Variants in PPP1R14C observed in about 807,000 individuals in gnomAD.
PPP1R14C encodes protein phosphatase 1 regulatory inhibitor subunit 14C, also known as protein phosphatase 1 regulatory subunit 14C.
PPP1R14C carries 16 observed loss-of-function variants against 20.4 expected under a neutral mutation model. The ratio of observed to expected loss-of-function variants is 0.78; its 90% CI spans 0.53 to 1.19. The LOEUF is 1.19. Ranked by LOEUF, PPP1R14C falls within the 50% of genes most tolerant of loss-of-function variation. PPP1R14C has a pLI of 0.00. For missense variants in PPP1R14C, 211 were observed against 220.1 expected, an observed-to-expected ratio of 0.96 and a Z score of 0.26; for synonymous variants, 91 against 91.0, an observed-to-expected ratio of 1.00 and a Z score of 0.00.
chr6:150,178,042 C>T (rs1303233338), intron 1 of PPP1R14C, among the ~76,000 whole-genome samples: 2 of 152,204 alleles, frequency 1.3e-5, no homozygotes, highest in Non-Finnish European at 2.9e-5. Context: ...GTCATAGTTA[C>T]AGTCTCCTAG....
rs765312631 is a variant in PPP1R14C, at chr6:150,143,765, G to A, written c.306+267G>A. Among the ~76,000 whole-genome samples the A allele has an allele frequency of 1.8e-4, 27 of 152,192 alleles. No homozygotes were observed. In the Middle Eastern group the frequency reaches 0.014, roughly 77 times the overall value. On this transcript the variant is annotated intron_variant, in intron 1 of 3. Transcript: ENST00000361131. This position sits in a 1 kb window ranked among gnomAD's most constrained non-coding sequence, Gnocchi z 5.6. ...GCCGTGGGGAGGGTTGGGTCCCGCG[G>A]AGCACAGTGCTTTTCTCCGAGCTCC... is the stretch of plus-strand genomic sequence containing the variant.
chr6:150,229,475 T>G (rs953504893), intron 3 of PPP1R14C, among the ~76,000 whole-genome samples: 1 of 152,160 alleles, frequency 6.6e-6, no homozygotes, highest in Non-Finnish European at 1.5e-5. Context: ...TGCTGTAAGA[T>G]TGAATCTAGG....
chr6:150,248,578 T>C (rs1778521779), intron 3 of PPP1R14C, among the ~76,000 whole-genome samples, 168 bp from the exon 4 acceptor site: 1 of 152,242 alleles, frequency 6.6e-6, no homozygotes, highest in African/African-American at 2.4e-5. Context: ...AGTTTTAGTA[T>C]TCTTGATTTG....
chr6:150,197,846 C>T (rs1249388108), intron 1 of PPP1R14C, among the ~76,000 whole-genome samples: 18 of 127,586 alleles, frequency 1.4e-4, no homozygotes, highest in Non-Finnish European at 1.6e-4. Flanking sequence ...CCTGGATGCC[C>T]GGCTTTGTGT....
intron 1 of PPP1R14C, among the ~76,000 whole-genome samples, chr6:150,207,295 G>A (rs2114903557): frequency 6.6e-6 from 1 of 152,358 alleles, no homozygotes; most frequent in Admixed American, 6.5e-5. Context: ...CCACTGGAAA[G>A]GCATATGCTT....
Position 150,212,829 on chromosome 6 carries a change from C to T in PPP1R14C, c.307-1915C>T, listed in dbSNP as rs369397104. Among the ~76,000 whole-genome samples, 67 of 152,206 alleles carry T rather than the reference C, an allele frequency of 4.4e-4. 2 individuals are homozygous for T. Among genetic ancestry groups the T allele is most frequent in the South Asian group, 3.9e-3 (19 of 4,824 alleles). On this transcript the variant is annotated intron_variant, in intron 1 of 3. Transcript: ENST00000361131. ...TTATTCCGTATGGTAATATGCTGTC[C>T]GGGTTTACAGCCTAGGAGCAATATA... is the stretch of plus-strand genomic sequence containing the variant.
intron 1 of PPP1R14C, among the ~76,000 whole-genome samples, chr6:150,176,936 C>T (rs777134497): frequency 6.2e-4 from 94 of 152,182 alleles, no homozygotes; most frequent in Non-Finnish European, 9.6e-4. Context: ...TATTTAGGGC[C>T]GGTCCCACCC....
intron 1 of PPP1R14C, among the ~76,000 whole-genome samples, chr6:150,198,740 C>T (rs150416078): frequency 9.9e-4 from 151 of 152,348 alleles, no homozygotes; most frequent in African/African-American, 3.5e-3. Flanking sequence ...GGCACTTATG[C>T]TGCTGAGCTT....
chr6:150,244,451 G>A (rs1778469174), intron 3 of PPP1R14C, among the ~76,000 whole-genome samples: 1 of 152,124 alleles, frequency 6.6e-6, no homozygotes, highest in African/African-American at 2.4e-5. Flanking sequence ...GGTCACCTTT[G>A]ACCCTATCTT....
chr6:150,243,268 C>T (rs746392096), intron 3 of PPP1R14C, among the ~76,000 whole-genome samples: 21 of 151,916 alleles, frequency 1.4e-4, no homozygotes, highest in South Asian at 4.2e-4. Flanking sequence ...CTCCGCCTCC[C>T]GGGTTCAAGC....
At chr6:150,217,071 A>G (rs1028732957) in intron 3 of PPP1R14C, among the ~76,000 whole-genome samples, 2 of 152,176 alleles carry the variant, frequency 1.3e-5, no homozygotes, top group African/African-American at 4.8e-5. Context: ...AATGGAGCAG[A>G]GTGTGTTGCT....
chr6:150,196,277 C>A, intron 1 of PPP1R14C: 1 of 276,870 alleles, frequency 3.6e-6, no homozygotes, highest in Non-Finnish European at 5.5e-6. Context: ...TCTGTGTAAG[C>A]TTGCTGGTTC....
intron 1 of PPP1R14C, among the ~76,000 whole-genome samples, chr6:150,147,165 GT>G (rs969640982): frequency 1.4e-5 from 2 of 144,308 alleles, no homozygotes; most frequent in African/African-American, 2.6e-5. Context: ...ACCCTGGTGG[GT>G]TTTTTTTGTT....
chr6:150,221,012 T>C (rs1323831061), intron 3 of PPP1R14C, among the ~76,000 whole-genome samples: 2 of 152,186 alleles, frequency 1.3e-5, no homozygotes, highest in African/African-American at 4.8e-5. Context: ...TTAGCTCCCA[T>C]TTCTAGGAAT....
At chr6:150,194,097 A>T (rs1356186916) in intron 1 of PPP1R14C, among the ~76,000 whole-genome samples, 4 of 152,186 alleles carry the variant, frequency 2.6e-5, no homozygotes, top group African/African-American at 7.2e-5. Flanking sequence ...TGCTGCCATG[A>T]AAGCAGTGCC....
At chr6:150,148,091 T>C (rs942459084) in intron 1 of PPP1R14C, among the ~76,000 whole-genome samples, 2 of 152,260 alleles carry the variant, frequency 1.3e-5, no homozygotes, top group Non-Finnish European at 2.9e-5. Flanking sequence ...GATTTTATTT[T>C]TCTAAATTTG....
At chr6:150,233,633 C>A (rs1390139392) in intron 3 of PPP1R14C, among the ~76,000 whole-genome samples, 1 of 151,992 alleles carries the variant, frequency 6.6e-6, no homozygotes, top group East Asian at 1.9e-4. Context: ...GTAAGGAGCG[C>A]CCCCCTCCCA....
rs546572693 is a variant in PPP1R14C, at chr6:150,171,671, A to G, written c.306+28173A>G. Reference sequence around the variant, plus strand: ...TCTCTAATTTTATTCTCATGCAAACAGCCTGATTTCTGATTTCATAATTTA... The same window carrying G: ...TCTCTAATTTTATTCTCATGCAAACGGCCTGATTTCTGATTTCATAATTTA... On this transcript the variant is annotated intron_variant, in intron 1 of 3. Coordinates refer to ENST00000361131, the MANE Select transcript of PPP1R14C (RefSeq NM_030949.3). Among the ~76,000 whole-genome samples the G allele has an allele frequency of 2.3e-4, 35 of 152,330 alleles. 1 individual carries two copies. The South Asian group carries it at 5.2e-3, about 23-fold the overall frequency.
chr6:150,143,274 G>A lies in PPP1R14C; in HGVS notation c.82G>A (p.Gly28Ser), dbSNP rs755766422. Residue 28 changes from glycine to serine, a missense_variant, in exon 1 of 4, where the codon GGT (glycine) becomes AGT (serine). Transcript: ENST00000361131. The surrounding 1 kb of genome is among the most constrained non-coding windows in gnomAD (Gnocchi z 5.6). ...ACGGGTTTTCTTCCAAAGCCCCCGGGGTGGCGCCGGTGGCAGCCCCGGCTC... is the reference window on the plus strand; with the variant it reads ...ACGGGTTTTCTTCCAAAGCCCCCGGAGTGGCGCCGGTGGCAGCCCCGGCTC... ...GARVFFQSPR[G>S]GAGGSPGSSS... 2.6e-6 allele frequency: 4 copies of A among 1,525,084 alleles called. No individual in the cohort carries two copies. Among genetic ancestry groups the A allele is most frequent in the Non-Finnish European group, 3.5e-6 (4 of 1,144,082 alleles). The allele number at this position is 1,525,084 out of a possible 1,614,324, so 94.5% of individuals were successfully genotyped here.
Sources: allele counts gnomAD v4.1 joint callset (sites outside exome capture counted in the v4.1 genomes callset), GRCh38; gene constraint gnomAD v4.1.1; non-coding constraint Gnocchi (gnomAD v3.1); transcripts MANE v1.5; gene names NCBI Gene and HGNC (gene_info 2026-07-23, HGNC 2026-07-21).